The following RTCB variants were observed in gnomAD, a reference collection of about 807,000 sequenced individuals.
RTCB encodes the protein RNA-splicing ligase RTCB.
A neutral mutation model predicts 58.2 loss-of-function variants in RTCB; 32 were observed. That is an observed-to-expected ratio of 0.55 (90% CI 0.41 to 0.74). The LOEUF (loss-of-function observed/expected upper bound fraction) is 0.74. Ranked by LOEUF, RTCB falls within the 30% of genes least tolerant of loss-of-function variation. RTCB has a pLI of 0.00. For synonymous variants in RTCB, 247 were observed against 218.6 expected, an observed-to-expected ratio of 1.13 and a Z score of -1.15; for missense variants, 523 against 639.0, an observed-to-expected ratio of 0.82 and a Z score of 1.96.
intron 4 of RTCB, 90 bp from the exon 5 acceptor site, chr22:32,401,993 C>T: frequency 7.7e-7 from 1 of 1,291,434 alleles, no homozygotes. Context: ...TAAAGATACC[C>T]ATTCTTTTAA....
Position 32,401,866 on chromosome 22 carries a change from C to G in RTCB, c.378G>C (p.Leu126Phe). 6.2e-7 allele frequency: 1 copy of G among 1,614,098 alleles called. No individual in the cohort carries two copies. The highest frequency in any genetic ancestry group is 8.5e-7 in the Non-Finnish European group (1 of 1,179,978). Reference protein sequence around the residue: ...VGFDINCGVRLLRTNLDESDV... With the variant: ...VGFDINCGVRFLRTNLDESDV... ...CACTTTCATCTAAATTGGTTCTTAGCAAGCGGACACCACAGTTGATGTCAA... is the reference window on the plus strand; with the variant it reads ...CACTTTCATCTAAATTGGTTCTTAGGAAGCGGACACCACAGTTGATGTCAA... The change falls in exon 5 of 12, where the codon TTG becomes TTC. Residue 126 changes from leucine to phenylalanine, a missense_variant. By Grantham distance (22) the Leu-to-Phe change is conservative (BLOSUM62 0). Coordinates refer to ENST00000216038, the MANE Select transcript of RTCB (RefSeq NM_014306.5).
chr22:32,405,226 CTT>C lies in RTCB; in HGVS notation c.340+1434_340+1435del, dbSNP rs370272410. On this transcript the variant is annotated intron_variant, in intron 4 of 11. Coordinates refer to ENST00000216038, the MANE Select transcript of RTCB (RefSeq NM_014306.5). ...TGGATGAGACATGTACTTATATATT[CTT>C]GTCTTTAAAAAATGTGTTTTAATTT... 1.4e-4 allele frequency among the ~76,000 whole-genome samples: 21 copies of C among 152,164 alleles called. No individual in the cohort carries two copies. In the East Asian group the frequency reaches 3.9e-3, roughly 28 times the overall value.
At chr22:32,406,470 G>A (rs534614342) in intron 4 of RTCB, among the ~76,000 whole-genome samples, 192 bp downstream of exon 4, 1 of 152,130 alleles carries the variant, frequency 6.6e-6, no homozygotes, top group African/African-American at 2.4e-5. Context: ...GTACAGGTGC[G>A]CGTCACCACC....
In RTCB at chr22:32,398,192, A is replaced by G. The variant is rs536987024; in HGVS notation, c.655-92T>C. 375 of 1,360,446 alleles carry G rather than the reference A, an allele frequency of 2.8e-4. No homozygotes were observed. The African/African-American group carries it at 4.9e-3, about 18-fold the overall frequency. The allele number at this position is 1,360,446 out of a possible 1,614,324, so 84.3% of individuals were successfully genotyped here. A position where few individuals can be genotyped will look rare whatever the true frequency, so the allele number is the denominator to read the frequency against. The stretch of plus-strand genomic sequence containing the variant: ...CCAAAAAGATAAAAACAAACTAACA[A>G]CAAAATAAACATACAAATAGTGTTT... On this transcript the variant is annotated intron_variant, in intron 6 of 11. Coordinates refer to ENST00000216038, the MANE Select transcript of RTCB (RefSeq NM_014306.5).
At chr22:32,395,260 T>C in intron 8 of RTCB, 46 bp from the exon 9 acceptor site, 2 of 1,539,238 alleles carry the variant, frequency 1.3e-6, no homozygotes, top group Non-Finnish European at 1.8e-6. Flanking sequence ...CTTCAGGACT[T>C]ATGTTCAGCT....
intron 5 of RTCB, chr22:32,401,470 T>C (rs1349138287): frequency 7.0e-6 from 2 of 285,558 alleles, no homozygotes; most frequent in East Asian, 6.2e-5. Context: ...TGAAATGATA[T>C]GATGCTCAGC....
chr22:32,401,079 T>C lies in RTCB; in HGVS notation c.497+668A>G, dbSNP rs576577819. Among the ~76,000 whole-genome samples, 198 of 150,184 alleles carry C rather than the reference T, an allele frequency of 1.3e-3. 1 individual carries two copies. The highest frequency in any genetic ancestry group is 3.4e-3 in the Middle Eastern group (1 of 290). Reference sequence around the variant, plus strand: ...AGGATCTTTGGTTTGAATCCTGATATCACCTACTAAGTTTTTTTTTTTTTT... The same window carrying C: ...AGGATCTTTGGTTTGAATCCTGATACCACCTACTAAGTTTTTTTTTTTTTT... On this transcript the variant is annotated intron_variant, in intron 5 of 11. Transcript: ENST00000216038.
At chr22:32,401,957 A>C in intron 4 of RTCB, 54 bp from the exon 5 acceptor site, 4 of 1,551,342 alleles carry the variant, frequency 2.6e-6, no homozygotes, top group Non-Finnish European at 3.5e-6. Flanking sequence ...TGTTACCTGC[A>C]GTTTCTCGCC....
In RTCB at chr22:32,396,103, G is replaced by C; in HGVS notation, c.961C>G (p.Arg321Gly). 1 of 1,614,130 alleles carries C rather than the reference G, an allele frequency of 6.2e-7. No individual in the cohort carries two copies. The highest frequency in any genetic ancestry group is 8.5e-7 in the Non-Finnish European group (1 of 1,180,000). Reference sequence around the variant, plus strand: ...CGGGTTAAGAAGGTCATGGAAGAGCGGTTGACCCAGGCATAGTTCCCAGCA... The same window carrying C: ...CGGGTTAAGAAGGTCATGGAAGAGCCGTTGACCCAGGCATAGTTCCCAGCA... ...AAAGNYAWVNRSSMTFLTRQA... is the reference protein window; with the variant it reads ...AAAGNYAWVNGSSMTFLTRQA... Residue 321 changes from arginine to glycine, a missense_variant, in exon 8 of 12, where the codon CGC (arginine) becomes GGC (glycine). Arg to Gly is a moderately radical substitution (Grantham distance 125). This residue lies in a region of RTCB where 248 missense variants were observed against 292.5 expected (regional missense o/e 0.85). Transcript: ENST00000216038.
At chr22:32,411,335 A>C (rs1419954885) in intron 1 of RTCB, among the ~76,000 whole-genome samples, 2 of 152,216 alleles carry the variant, frequency 1.3e-5, no homozygotes, top group Non-Finnish European at 2.9e-5. Context: ...ATATGAGCAC[A>C]GATGGTGATG....
At chr22:32,398,958 G>A (rs773913835) in intron 6 of RTCB, among the ~76,000 whole-genome samples, 3 of 152,096 alleles carry the variant, frequency 2.0e-5, no homozygotes, top group Non-Finnish European at 4.4e-5. Flanking sequence ...TCTTGCCCAC[G>A]TGTCACACTG....
rs191157190 is a variant in RTCB at position 32,393,757 on chromosome 22, C to T, written c.1290+135G>A. 4.6e-6 allele frequency: 3 copies of T among 648,884 alleles called. No individual in the cohort carries two copies. The African/African-American group carries it at 5.4e-5, about 12-fold the overall frequency. The allele number at this position is 648,884 out of a possible 1,614,324, so 40.2% of individuals were successfully genotyped here. ...ACTAAATAGTATACATTATGGGGAA[C>T]AATTTGAAGTACAAGACATGATAGG... is the stretch of plus-strand genomic sequence containing the variant. On this transcript the variant is annotated intron_variant, in intron 10 of 11. Coordinates refer to ENST00000216038, the MANE Select transcript of RTCB (RefSeq NM_014306.5).
chr22:32,399,783 G>A (rs1308332095), intron 5 of RTCB, 24 bp from the exon 6 acceptor site: 2 of 1,602,528 alleles, frequency 1.2e-6, no homozygotes, highest in Non-Finnish European at 1.7e-6. Flanking sequence ...AAAGGTGCTA[G>A]TCATCTCACA....
intron 1 of RTCB, among the ~76,000 whole-genome samples, chr22:32,410,599 C>A (rs1044045800): frequency 6.6e-6 from 1 of 152,140 alleles, no homozygotes; most frequent in African/African-American, 2.4e-5. Flanking sequence ...ATGAGACTTG[C>A]CCCTAGATAG....
At chr22:32,405,419 T>C (rs1394642905) in intron 4 of RTCB, among the ~76,000 whole-genome samples, 1 of 152,160 alleles carries the variant, frequency 6.6e-6, no homozygotes, top group Non-Finnish European at 1.5e-5. Context: ...TGGTAAACTG[T>C]GTGCATTTGA....
In RTCB at chr22:32,406,760, C is replaced by T. The variant is rs779984982; in HGVS notation, c.242G>A (p.Arg81Gln). The T allele has an allele frequency of 2.5e-6, 4 of 1,606,776 alleles. No individual in the cohort carries two copies. The highest frequency in any genetic ancestry group is 3.3e-5 in the Admixed American group (2 of 59,926). Residue 81 changes from arginine to glutamine, a missense_variant and splice_region_variant, in exon 4 of 12, where the codon CGA becomes CAA. Transcript: ENST00000216038. ...NVAALPGIVH[R>Q]SIGLPDVHSG... is the part of the protein sequence containing the mutation. ...ATGGACATCAGGAAGCCCAATAGAT[C>T]GCTGAAAAAGAATTAGAAAATGAAA...
intron 7 of RTCB, among the ~76,000 whole-genome samples, chr22:32,396,800 T>A (rs1933253256): frequency 1.3e-5 from 2 of 152,312 alleles, no homozygotes; most frequent in Non-Finnish European, 2.9e-5. Context: ...TTTCCAGGCA[T>A]CTATATACCT....
At chr22:32,408,938 C>T in intron 1 of RTCB, 105 bp from the exon 2 acceptor site, 1 of 803,844 alleles carries the variant, frequency 1.2e-6, no homozygotes, top group Non-Finnish European at 2.1e-6. Context: ...TTACTCTTTA[C>T]CAAACACTTT....
rs1933244292 is a variant in RTCB at position 32,396,241 on chromosome 22, C to A, written c.823G>T (p.Val275Leu). Residue 275 changes from valine (V) to leucine (L), a missense_variant, in exon 8 of 12, where the codon GTA (valine) becomes TTA (leucine). By Grantham distance (32) the Val-to-Leu change is conservative. This residue lies in a region of RTCB where 141 missense variants were observed against 216.7 expected (regional missense o/e 0.65). Transcript: ENST00000216038. ...LGHQVATDAL[V>L]AMEKAMKRDK... ...CTCTTCATGGCCTTCTCCATAGCTA[C>A]CAGCGCATCTGGAACAAGAGCCACA... 1.2e-6 allele frequency: 2 copies of A among 1,614,038 alleles called. No homozygotes were observed. Among genetic ancestry groups the A allele is most frequent in the African/African-American group, 1.3e-5 (1 of 75,044 alleles).
Sources: gnomAD v4.1 joint callset for allele counts (sites outside exome capture counted in the v4.1 genomes callset) on GRCh38, gnomAD v4.1.1 for gene constraint, gnomAD v4.1.1 regional missense constraint, MANE v1.5 for transcripts, NCBI Gene and HGNC (gene_info 2026-07-23, HGNC 2026-07-21) for gene names.